The following FCHSD1 variants were observed in gnomAD, a reference collection of about 807,000 sequenced individuals.
FCHSD1 encodes FCH and double SH3 domains 1, also known as F-BAR and double SH3 domains protein 1.
In FCHSD1, 109 loss-of-function variants were observed where a neutral mutation model predicts 101.3. That is an observed-to-expected ratio of 1.08 (90% CI 0.92 to 1.26). The LOEUF is 1.26. FCHSD1 is among the 50% of genes most tolerant of loss of function. The pLI, the probability that FCHSD1 is intolerant of heterozygous loss-of-function variation, is 0.00. For synonymous variants in FCHSD1, 291 were observed against 356.8 expected (o/e 0.82, Z 2.08); for missense variants, 820 against 895.8 (o/e 0.92, Z 1.08).
At chr5:141,641,675 A>G in intron 19 of FCHSD1, 27 bp downstream of exon 19, 3 of 1,613,726 alleles carry the variant, frequency 1.9e-6, no homozygotes, top group Non-Finnish European at 1.7e-6. Context: ...CTCTACATAC[A>G]ATCTCCTCCA....
In FCHSD1 at chr5:141,649,678, G is replaced by T; in HGVS notation, c.234-142C>A. On this transcript the variant is annotated intron_variant, in intron 4 of 19. Coordinates refer to ENST00000435817, the MANE Select transcript of FCHSD1 (RefSeq NM_033449.3). This position sits in a 1 kb window ranked among gnomAD's most constrained non-coding sequence, Gnocchi z 4.1. The stretch of plus-strand genomic sequence containing the variant: ...TGTCTGGGAGCCCATCAATCGATCA[G>T]CCCATTAGCTCAGCCACAAGCCTCA... 2 of 1,293,922 alleles carry T rather than the reference G, an allele frequency of 1.5e-6. No homozygotes were observed. Among genetic ancestry groups the T allele is most frequent in the Non-Finnish European group, 2.1e-6 (2 of 961,078 alleles). The allele number at this position is 1,293,922 out of a possible 1,614,324, so 80.2% of individuals were successfully genotyped here.
At chr5:141,642,908 G>A in intron 18 of FCHSD1, 93 bp downstream of exon 18, 7 of 1,284,708 alleles carry the variant, frequency 5.4e-6, no homozygotes, top group Non-Finnish European at 6.5e-6. Flanking sequence ...ATGCCTGAAG[G>A]CACGGAGAGG....
intron 9 of FCHSD1, 24 bp from the exon 10 acceptor site, chr5:141,647,254 T>TCA (rs1216777973): frequency 6.3e-6 from 10 of 1,587,664 alleles, no homozygotes; most frequent in African/African-American, 1.3e-5. Context: ...AAAGTCAAAG[T>TCA]CACTCATTCA....
At chr5:141,642,917 G>A in intron 18 of FCHSD1, 84 bp downstream of exon 18, 8 of 1,371,044 alleles carry the variant, frequency 5.8e-6, no homozygotes, top group Non-Finnish European at 7.0e-6. Flanking sequence ...GGCACGGAGA[G>A]GACCAGAGCG....
At position 141,644,306 on chromosome 5, in the gene FCHSD1, A is replaced by T. The variant is rs374901920; in HGVS notation, c.1775T>A (p.Phe592Tyr). 1.2e-6 allele frequency: 2 copies of T among 1,613,846 alleles called. No individual in the cohort carries two copies. The highest frequency in any genetic ancestry group is 1.7e-6 in the Non-Finnish European group (2 of 1,179,834). Residue 592 changes from phenylalanine to tyrosine, a missense_variant, in exon 17 of 20, where the codon TTT becomes TAT. By Grantham distance (22) the Phe-to-Tyr change is conservative (BLOSUM62 3). Transcript: ENST00000435817. ...GVDDGFWRGE[F>Y]GGRVGVFPSL... ...GGGGAAGACCCCAACACGGCCCCCA[A>T]ATTCTCCCCTCCAGAAGCCGTCATC... is the stretch of plus-strand genomic sequence containing the variant.
chr5:141,641,981 G>A, intron 18 of FCHSD1: 1 of 594,090 alleles, frequency 1.7e-6, no homozygotes, highest in Non-Finnish European at 3.0e-6. Flanking sequence ...GATGCATAGT[G>A]CTCCCACCCC....
chr5:141,642,574 A>T, intron 18 of FCHSD1: 1 of 553,582 alleles, frequency 1.8e-6, no homozygotes. Flanking sequence ...CAGAAAAAAT[A>T]ATGATACAAA....
chr5:141,646,252 G>A (rs754542725), intron 11 of FCHSD1, 61 bp from the exon 12 acceptor site: 1 of 1,409,906 alleles, frequency 7.1e-7, no homozygotes, highest in South Asian at 1.2e-5. Context: ...ACTTACTATG[G>A]GACTGGTACT....
At position 141,649,302 on chromosome 5, in the gene FCHSD1, C is replaced by G. The variant is rs773575052; in HGVS notation, c.382G>C (p.Glu128Gln). 1.9e-6 allele frequency: 3 copies of G among 1,614,044 alleles called. No homozygotes were observed. Among genetic ancestry groups the G allele is most frequent in the Non-Finnish European group, 2.5e-6 (3 of 1,179,896 alleles). ...AKEQVLRKGT[E>Q]NLQRAQAEVL... ...TCAGCCTGCGCCCTCTGGAGGTTCT[C>G]TGTTCCCTATTGGGATGCATACACA... The change falls in exon 6 of 20, where the codon GAG (glutamate) becomes CAG (glutamine). Residue 128 changes from glutamate to glutamine, a missense_variant. Physicochemically the swap from Glu to Gln is conservative, Grantham distance 29 (BLOSUM62 2). Transcript: ENST00000435817. This position sits in a 1 kb window ranked among gnomAD's most constrained non-coding sequence, Gnocchi z 4.1.
chr5:141,646,118 T>G lies in FCHSD1; in HGVS notation c.1118A>C (p.Gln373Pro). The change falls in exon 12 of 20, where the codon CAG becomes CCG. Residue 373 changes from glutamine to proline, a missense_variant. Physicochemically the swap from Gln to Pro is moderately conservative, Grantham distance 76. Transcript: ENST00000435817. ...CCGGCGGATGCTCTCTCGCACTTCC[T>G]GTAACCTCTGTTCTATGCTTGGAGC... ...REAPSIEQRL[Q>P]EVRESIRRAQ... 2 of 1,612,524 alleles carry G rather than the reference T, an allele frequency of 1.2e-6. No homozygotes were observed. The highest frequency in any genetic ancestry group is 1.7e-6 in the Non-Finnish European group (2 of 1,179,482).
At chr5:141,645,631 T>G in intron 13 of FCHSD1, 140 bp downstream of exon 13, 1 of 1,025,234 alleles carries the variant, frequency 9.8e-7, no homozygotes, top group Non-Finnish European at 1.4e-6. Context: ...ATGCAAAGAA[T>G]GATATATGAT....
Position 141,649,996 on chromosome 5 carries a change from AC to A in FCHSD1, c.166-43del, listed in dbSNP as rs1253963435. On this transcript the variant is annotated intron_variant, in intron 3 of 19. Coordinates refer to ENST00000435817, the MANE Select transcript of FCHSD1 (RefSeq NM_033449.3). This position sits in a 1 kb window ranked among gnomAD's most constrained non-coding sequence, Gnocchi z 4.1. ...CACAGAACCAAGTTCCCTTTCAAAG[AC>A]CCACCCCAACTGGCAGAATATGACA... is the stretch of plus-strand genomic sequence containing the variant. The A allele has an allele frequency of 5.3e-6, 8 of 1,507,766 alleles. No homozygotes were observed. The highest frequency in any genetic ancestry group is 7.1e-6 in the Non-Finnish European group (8 of 1,126,470). 93.4% of individuals were successfully genotyped at this position (1,507,766 alleles called of 1,614,324 possible).
At chr5:141,650,852 G>A (rs116312669) in intron 2 of FCHSD1, among the ~76,000 whole-genome samples, 168 bp downstream of exon 2, 1,790 of 151,640 alleles carry the variant, frequency 0.012, 33 homozygotes, top group African/African-American at 0.042. Flanking sequence ...TTAGGTGGGG[G>A]AGCATTCCTA....
At position 141,646,691 on chromosome 5, in the gene FCHSD1, A is replaced by C. The variant is rs2099907708; in HGVS notation, c.956T>G (p.Val319Gly). ...TTTCTCCAGGCCACTCTTGCCAGCC[A>C]CGCCTTCTGCTCCCCACTCCAGGAC... ...VCVLEWGAEG[V>G]AGKSGLEKEV... The change falls in exon 11 of 20, where the codon GTG (valine) becomes GGG (glycine). Residue 319 changes from valine (V) to glycine (G), a missense_variant. Physicochemically the swap from Val to Gly is moderately radical, Grantham distance 109. Transcript: ENST00000435817. The C allele has an allele frequency of 1.2e-6, 2 of 1,613,324 alleles. No homozygotes were observed. The highest frequency in any genetic ancestry group is 1.7e-6 in the Non-Finnish European group (2 of 1,179,732).
chr5:141,650,338 G>T, intron 3 of FCHSD1, 21 bp downstream of exon 3: 3 of 1,613,804 alleles, frequency 1.9e-6, no homozygotes, highest in Non-Finnish European at 2.5e-6. Context: ...AAGAGGTAAG[G>T]TCCAGAGAAA....
At chr5:141,646,937 G>A (rs1031733665) in intron 10 of FCHSD1, among the ~76,000 whole-genome samples, 198 bp downstream of exon 10, 4 of 152,204 alleles carry the variant, frequency 2.6e-5, no homozygotes, top group African/African-American at 7.2e-5. Context: ...AAAGGATGGC[G>A]CAGTCAAGTG....
rs549901083 is a variant in FCHSD1, at chr5:141,650,516, G to A, written c.120-112C>T. 3 of 1,227,636 alleles carry A rather than the reference G, an allele frequency of 2.4e-6. No individual in the cohort carries two copies. The East Asian group carries it at 7.1e-5, about 29-fold the overall frequency. The allele number at this position is 1,227,636 out of a possible 1,614,324, so 76.0% of individuals were successfully genotyped here. A position where few individuals can be genotyped will look rare whatever the true frequency, so the allele number is the denominator to read the frequency against. On this transcript the variant is annotated intron_variant, in intron 2 of 19. Transcript: ENST00000435817. ...GGAGGGAGCGGTTGGGGGGAGCCAG[G>A]TTCCTAGAGTGTAACTACACCCAGA...
chr5:141,651,177 A>G, intron 1 of FCHSD1, 60 bp from the exon 2 acceptor site: 1 of 1,128,172 alleles, frequency 8.9e-7, no homozygotes, highest in Non-Finnish European at 1.3e-6. Flanking sequence ...CACTCCGCGC[A>G]GGGAGCGGTG....
chr5:141,644,282 G>T lies in FCHSD1; in HGVS notation c.1799C>A (p.Pro600His). The change falls in exon 17 of 20, where the codon CCC becomes CAC. Residue 600 changes from proline to histidine, a missense_variant. Physicochemically the swap from Pro to His is moderately conservative, Grantham distance 77. Coordinates refer to ENST00000435817, the MANE Select transcript of FCHSD1 (RefSeq NM_033449.3). ...AAGCAGCTCTTCCACCAGCAGGGAG[G>T]GGAAGACCCCAACACGGCCCCCAAA... Reference protein sequence around the residue: ...GEFGGRVGVFPSLLVEELLGP... With the variant: ...GEFGGRVGVFHSLLVEELLGP... 1 of 1,613,668 alleles carries T rather than the reference G, an allele frequency of 6.2e-7. No individual in the cohort carries two copies. Among genetic ancestry groups the T allele is most frequent in the East Asian group, 2.2e-5 (1 of 44,878 alleles).
Sources: gnomAD v4.1 joint callset for allele counts (sites outside exome capture counted in the v4.1 genomes callset) on GRCh38, gnomAD v4.1.1 for gene constraint, Gnocchi (gnomAD v3.1) non-coding constraint, MANE v1.5 for transcripts, NCBI Gene and HGNC (gene_info 2026-07-23, HGNC 2026-07-21) for gene names.